The following HIVEP2 variants were observed in gnomAD, a reference collection of about 807,000 sequenced individuals.
HIVEP2 encodes HIVEP zinc finger 2.
HIVEP2 carries 14 observed loss-of-function variants against 180.7 expected under a neutral mutation model. The observed-to-expected ratio is 0.08, with a 90% CI of 0.05 to 0.12. HIVEP2 has a LOEUF of 0.12. Among genes scored for constraint, HIVEP2 ranks in the 10% least tolerant of loss-of-function variants. HIVEP2 has a pLI of 1.00. For synonymous variants in HIVEP2, 1,184 were observed against 1,136.4 expected (o/e 1.04, Z -0.84); for missense variants, 2,579 against 3,008.5 (o/e 0.86, Z 3.34).
chr6:142,806,953 T>A (rs747105785), intron 2 of HIVEP2, among the ~76,000 whole-genome samples: 1 of 152,212 alleles, frequency 6.6e-6, no homozygotes, highest in Non-Finnish European at 1.5e-5. Context: ...ACCCAGCTCC[T>A]ACTCTGTGAC....
At chr6:142,938,252 A>G (rs926229754) in intron 1 of HIVEP2, among the ~76,000 whole-genome samples, 3 of 152,190 alleles carry the variant, frequency 2.0e-5, no homozygotes, top group Non-Finnish European at 2.9e-5. Flanking sequence ...TTTGCTTCAC[A>G]TTACACAGGC....
chr6:142,859,834 C>CAAAAAAAAAAAAAAAAAAAAAGAAAAAA (rs56853043), intron 1 of HIVEP2, among the ~76,000 whole-genome samples: 2 of 73,608 alleles, frequency 2.7e-5, no homozygotes, highest in Non-Finnish European at 2.5e-5. Flanking sequence ...AACTCCGTCT[C>CAAAAAAAAAAAAAAAAAAAAAGAAAAAA]AAAAAAAAAA....
At chr6:142,933,290 T>C (rs1025109044) in intron 1 of HIVEP2, among the ~76,000 whole-genome samples, 121 of 152,364 alleles carry the variant, frequency 7.9e-4, no homozygotes, top group Non-Finnish European at 1.5e-3. Context: ...TACAACTGTG[T>C]GGCATACTGT....
intron 1 of HIVEP2, among the ~76,000 whole-genome samples, chr6:142,853,748 G>A (rs1775750115): frequency 6.6e-6 from 1 of 152,228 alleles, no homozygotes; most frequent in African/African-American, 2.4e-5. Flanking sequence ...TGGGCCAGGG[G>A]CATCAGTAGG....
Position 142,770,178 on chromosome 6 carries a change from A to G in HIVEP2, c.4561T>C (p.Ser1521Pro), listed in dbSNP as rs760633007. Reference sequence around the variant, plus strand: ...ACAGAAGGATAGTCTTGAGATGAGGAGGGCGACAGCGAGGAGAAGGAAGAT... The same window carrying G: ...ACAGAAGGATAGTCTTGAGATGAGGGGGGCGACAGCGAGGAGAAGGAAGAT... The part of the protein sequence containing the change: ...GSSSFSSLSP[S>P]SSQDYPSVSP... The change falls in exon 5 of 10, where the codon TCC (serine) becomes CCC (proline). Residue 1521 changes from serine to proline, a missense_variant. Transcript: ENST00000367603. This position sits in a 1 kb window ranked among gnomAD's most constrained non-coding sequence, Gnocchi z 4.7. 4.3e-6 allele frequency: 7 copies of G among 1,614,192 alleles called. No individual in the cohort carries two copies.
intron 1 of HIVEP2, among the ~76,000 whole-genome samples, chr6:142,864,122 C>T (rs1375813542): frequency 6.6e-6 from 1 of 152,160 alleles, no homozygotes; most frequent in African/African-American, 2.4e-5. Context: ...TTTCTTTCCT[C>T]TCTGCTACCC....
chr6:142,785,726 A>G (rs188791987), intron 2 of HIVEP2, among the ~76,000 whole-genome samples: 140 of 152,272 alleles, frequency 9.2e-4, no homozygotes, highest in African/African-American at 3.1e-3. Flanking sequence ...CACTCCTTTC[A>G]TGACATGCAC....
chr6:142,884,345 A>G (rs1264273873), intron 1 of HIVEP2, among the ~76,000 whole-genome samples: 3 of 152,216 alleles, frequency 2.0e-5, no homozygotes, highest in Non-Finnish European at 2.9e-5. Flanking sequence ...AGCCAAATCA[A>G]TAAGTGTCTT....
chr6:142,774,261 G>A lies in HIVEP2; in HGVS notation c.478C>T (p.Pro160Ser), dbSNP rs200228489. The change falls in exon 5 of 10, where the codon CCT becomes TCT. Residue 160 changes from proline (P) to serine (S), a missense_variant. This residue lies in a region of HIVEP2 where 207 missense variants were observed against 210.1 expected (regional missense o/e 0.99). Coordinates refer to ENST00000367603, the MANE Select transcript of HIVEP2 (RefSeq NM_006734.4). The surrounding 1 kb of genome is among the most constrained non-coding windows in gnomAD (Gnocchi z 5.1). Reference sequence around the variant, plus strand: ...TTCTGGGAGTATTGGCTATAAGCAGGGTTCAGACTTGAAATCTTTTTTCTA... The same window carrying A: ...TTCTGGGAGTATTGGCTATAAGCAGAGTTCAGACTTGAAATCTTTTTTCTA... Reference protein sequence around the residue: ...YPRKKISSLNPAYSQYSQKSI... With the variant: ...YPRKKISSLNSAYSQYSQKSI... 5.0e-6 allele frequency: 8 copies of A among 1,614,038 alleles called. No individual in the cohort carries two copies. Among genetic ancestry groups the A allele is most frequent in the Admixed American group, 1.7e-5 (1 of 60,006 alleles).
Position 142,769,758 on chromosome 6 carries a change from G to T in HIVEP2, c.4981C>A (p.Gln1661Lys), listed in dbSNP as rs1313759728. The change falls in exon 5 of 10, where the codon CAA becomes AAA. Residue 1661 changes from glutamine to lysine, a missense_variant. By Grantham distance (53) the Gln-to-Lys change is moderately conservative (BLOSUM62 1). Transcript: ENST00000367603. ...FLNYTKPNYV[Q>K]QATFKSSVYA... ...ACCGAGGATTTGAAGGTGGCCTGTTGCACATAATTGGGTTTTGTATAATTC... is the reference window on the plus strand; with the variant it reads ...ACCGAGGATTTGAAGGTGGCCTGTTTCACATAATTGGGTTTTGTATAATTC... The T allele has an allele frequency of 6.2e-7, 1 of 1,614,178 alleles. No homozygotes were observed. Among genetic ancestry groups the T allele is most frequent in the Non-Finnish European group, 8.5e-7 (1 of 1,180,020 alleles).
At position 142,891,144 on chromosome 6, in the gene HIVEP2, G is replaced by A. The variant is rs145290268; in HGVS notation, c.-641+53955C>T. On this transcript the variant is annotated intron_variant, in intron 1 of 9. Coordinates refer to ENST00000367603, the MANE Select transcript of HIVEP2 (RefSeq NM_006734.4). Reference sequence around the variant, plus strand: ...CACTTACATGCTTAAAGTTCTCTTCGGGACAACTCCAAGATAGGTTGAGGA... The same window carrying A: ...CACTTACATGCTTAAAGTTCTCTTCAGGACAACTCCAAGATAGGTTGAGGA... Among the ~76,000 whole-genome samples the A allele has an allele frequency of 1.3e-4, 20 of 152,110 alleles. No homozygotes were observed. The East Asian group carries it at 2.9e-3, about 22-fold the overall frequency.
In HIVEP2 at chr6:142,828,585, T is replaced by C. The variant is rs149140635; in HGVS notation, c.-528+8350A>G. 2.2e-4 allele frequency among the ~76,000 whole-genome samples: 33 copies of C among 152,216 alleles called. 1 individual carries two copies. Among genetic ancestry groups the C allele is most frequent in the Non-Finnish European group, 4.9e-4 (33 of 68,010 alleles). On this transcript the variant is annotated intron_variant, in intron 2 of 9. Transcript: ENST00000367603. ...CCCAGTAGCTGGGATTTCAGCCATA[T>C]GCCACCATGCTTGGCTAATTTTTGT... is the stretch of plus-strand genomic sequence containing the variant.
At chr6:142,887,660 A>G (rs1381333525) in intron 1 of HIVEP2, among the ~76,000 whole-genome samples, 16 of 152,192 alleles carry the variant, frequency 1.1e-4, no homozygotes, top group Admixed American at 1.0e-3. Context: ...CTATCAACAG[A>G]ACAATTGTTT....
rs571321427 is a variant in HIVEP2 at position 142,818,370 on chromosome 6, C to T, written c.-528+18565G>A. Among the ~76,000 whole-genome samples the T allele has an allele frequency of 2.0e-3, 311 of 152,248 alleles. 2 individuals are homozygous for T. The highest frequency in any genetic ancestry group is 7.0e-3 in the African/African-American group (291 of 41,548). On this transcript the variant is annotated intron_variant, in intron 2 of 9. Coordinates refer to ENST00000367603, the MANE Select transcript of HIVEP2 (RefSeq NM_006734.4). Reference sequence around the variant, plus strand: ...AGTTTATGGTTGTAGCTGTAAGTTTCTATCTGCCCATACAACGCTTTTAAA... The same window carrying T: ...AGTTTATGGTTGTAGCTGTAAGTTTTTATCTGCCCATACAACGCTTTTAAA...
intron 7 of HIVEP2, among the ~76,000 whole-genome samples, chr6:142,763,401 C>A (rs1013037920): frequency 2.0e-5 from 3 of 152,120 alleles, no homozygotes; most frequent in African/African-American, 7.2e-5. Context: ...GGCAGGGTTT[C>A]CCAGGATGTT....
chr6:142,773,139 G>C lies in HIVEP2; in HGVS notation c.1600C>G (p.Pro534Ala). The C allele has an allele frequency of 6.2e-7, 1 of 1,614,200 alleles. No homozygotes were observed. Among genetic ancestry groups the C allele is most frequent in the Non-Finnish European group, 8.5e-7 (1 of 1,180,028 alleles). ...CTAATAAGGGGTGAAGAGTCTACAG[G>C]AGCTTCTAAGAGAACCGGGTTGCTG... ...QGSNPVLLEA[P>A]VDSSPLIRSN... Residue 534 changes from proline to alanine, a missense_variant, in exon 5 of 10, where the codon CCT becomes GCT. Physicochemically the swap from Pro to Ala is conservative, Grantham distance 27. Coordinates refer to ENST00000367603, the MANE Select transcript of HIVEP2 (RefSeq NM_006734.4).
chr6:142,823,990 T>G (rs1199443347), intron 2 of HIVEP2, among the ~76,000 whole-genome samples: 1 of 152,158 alleles, frequency 6.6e-6, no homozygotes, highest in East Asian at 1.9e-4. Flanking sequence ...AGAAAAATCC[T>G]TTTTTTAAAT....
chr6:142,920,408 G>A (rs1036352898), intron 1 of HIVEP2, among the ~76,000 whole-genome samples: 12 of 152,096 alleles, frequency 7.9e-5, no homozygotes, highest in Non-Finnish European at 1.6e-4. Context: ...GTCCACTCTT[G>A]TACTATCCAG....
At chr6:142,826,322 A>C (rs1426638210) in intron 2 of HIVEP2, among the ~76,000 whole-genome samples, 1 of 152,212 alleles carries the variant, frequency 6.6e-6, no homozygotes, top group Non-Finnish European at 1.5e-5. Context: ...ACATATCACT[A>C]CACTCAGGTT....
Sources: gnomAD v4.1 joint callset for allele counts (sites outside exome capture counted in the v4.1 genomes callset) on GRCh38, gnomAD v4.1.1 for gene constraint, gnomAD v4.1.1 regional missense constraint, Gnocchi (gnomAD v3.1) non-coding constraint, MANE v1.5 for transcripts, NCBI Gene and HGNC (gene_info 2026-07-23, HGNC 2026-07-21) for gene names.